The following LILRB4 variants were observed in gnomAD, a reference collection of about 807,000 sequenced individuals.
LILRB4 encodes the protein leukocyte immunoglobulin like receptor B4, also known as leukocyte immunoglobulin-like receptor subfamily B member 4.
A neutral mutation model predicts 55.2 loss-of-function variants in LILRB4; 49 were observed. That is an observed-to-expected ratio of 0.89 (90% CI 0.71 to 1.13). The LOEUF is 1.13. LILRB4 is among the 50% of genes most tolerant of loss of function. The pLI is 0.00. For missense variants in LILRB4, 590 were observed against 555.2 expected, an observed-to-expected ratio of 1.06 and a Z score of -0.63; for synonymous variants, 229 against 213.8, an observed-to-expected ratio of 1.07 and a Z score of -0.62.
chr19:54,666,990 G>T lies in LILRB4; in HGVS notation c.1041+241G>T. On this transcript the variant is annotated intron_variant, in intron 10 of 11. Transcript: ENST00000430952. The surrounding 1 kb of genome is among the most constrained non-coding windows in gnomAD (Gnocchi z 4.8). ...TCTGTTTGGCCATCTGGTTGTTAGA[G>T]AGCTCCCCAGGCCTCAGGAGGATGA... 1.4e-6 allele frequency: 1 copy of T among 703,264 alleles called. No individual in the cohort carries two copies. Among genetic ancestry groups the T allele is most frequent in the Non-Finnish European group, 2.6e-6 (1 of 377,862 alleles). The allele number at this position is 703,264 out of a possible 1,614,324, so 43.6% of individuals were successfully genotyped here. A position where few individuals can be genotyped will look rare whatever the true frequency, so the allele number is the denominator to read the frequency against.
intron 4 of LILRB4, 147 bp from the exon 5 acceptor site, chr19:54,664,652 C>T (rs761862415): frequency 1.0e-6 from 1 of 971,956 alleles, no homozygotes; most frequent in East Asian, 2.6e-5. Flanking sequence ...CCATGCTCTT[C>T]TCCCTCACCT....
At chr19:54,664,250 G>C (rs757539950) in exon 4 of LILRB4, 16 of 1,614,164 alleles carry the variant, frequency 9.9e-6, no homozygotes, top group Non-Finnish European at 1.4e-5. Context: ...GAAAGAGCGT[G>C]ACCCTGCTGT....
chr19:54,664,992 C>A, intron 5 of LILRB4, 138 bp from the exon 6 acceptor site: 1 of 1,360,564 alleles, frequency 7.3e-7, no homozygotes, highest in Non-Finnish European at 1.0e-6. Flanking sequence ...ACTTGGGAGG[C>A]ACCACAGGCT....
At position 54,665,081 on chromosome 19, in the gene LILRB4, A is replaced by C; in HGVS notation, c.707-49A>C. ...GATGTTGCGGGGAGAAGCCGAGCTGATGTGGGGAGCAGGGCAGCCCCAGCC... is the reference window on the plus strand; with the variant it reads ...GATGTTGCGGGGAGAAGCCGAGCTGCTGTGGGGAGCAGGGCAGCCCCAGCC... On this transcript the variant is annotated intron_variant, in intron 5 of 11. Coordinates refer to ENST00000430952, the Ensembl canonical transcript of LILRB4. This position sits in a 1 kb window ranked among gnomAD's most constrained non-coding sequence, Gnocchi z 5.5. 1 of 1,603,900 alleles carries C rather than the reference A, an allele frequency of 6.2e-7. No individual in the cohort carries two copies. The highest frequency in any genetic ancestry group is 8.5e-7 in the Non-Finnish European group (1 of 1,172,368).
exon 12 of LILRB4, chr19:54,668,111 C>A: frequency 6.9e-7 from 1 of 1,459,144 alleles, no homozygotes; most frequent in Non-Finnish European, 9.4e-7. Flanking sequence ...GAACCCCAGC[C>A]AGCCCAGACC....
In LILRB4 at chr19:54,666,225, T is replaced by C; in HGVS notation, c.875-15T>C. 1.9e-6 allele frequency: 3 copies of C among 1,576,860 alleles called. No homozygotes were observed. The highest frequency in any genetic ancestry group is 2.6e-6 in the Non-Finnish European group (3 of 1,163,728). On this transcript the variant is annotated splice_polypyrimidine_tract_variant and intron_variant, in intron 7 of 11. Coordinates refer to ENST00000430952, the Ensembl canonical transcript of LILRB4. This position sits in a 1 kb window ranked among gnomAD's most constrained non-coding sequence, Gnocchi z 4.8. ...TAACGTTCCCAGAGCTGAGACTCTG[T>C]CCATCTTCCCCCAGCCCAGAGACAG... is the stretch of plus-strand genomic sequence containing the variant.
intron 10 of LILRB4, chr19:54,667,425 G>T: frequency 9.3e-7 from 1 of 1,072,976 alleles, no homozygotes; most frequent in Non-Finnish European, 1.3e-6. Flanking sequence ...GGAAGGCCGC[G>T]TGAGGCTGCA....
chr19:54,664,678 C>A, intron 4 of LILRB4, 121 bp from the exon 5 acceptor site: 1 of 1,009,916 alleles, frequency 9.9e-7, no homozygotes, highest in Middle Eastern at 2.3e-4. Flanking sequence ...CCAGAAGGTG[C>A]CAGGTGGACA....
chr19:54,666,075 G>C lies in LILRB4; in HGVS notation c.874+144G>C. On this transcript the variant is annotated intron_variant, in intron 7 of 11. Coordinates refer to ENST00000430952, the Ensembl canonical transcript of LILRB4. The surrounding 1 kb of genome is among the most constrained non-coding windows in gnomAD (Gnocchi z 4.8). ...AAAATCTAGAAAGAAGAAAATGAAT[G>C]AGGGAGTAATGGAAGTGCTTTATTC... The C allele has an allele frequency of 7.8e-7, 1 of 1,283,854 alleles. No homozygotes were observed. Among genetic ancestry groups the C allele is most frequent in the Non-Finnish European group, 1.1e-6 (1 of 918,628 alleles). The allele number at this position is 1,283,854 out of a possible 1,614,324, so 79.5% of individuals were successfully genotyped here.
Position 54,665,858 on chromosome 19 carries a change from C to G in LILRB4, c.801C>G (p.Val267=). The G allele has an allele frequency of 6.2e-7, 1 of 1,613,652 alleles. No homozygotes were observed. Among genetic ancestry groups the G allele is most frequent in the Non-Finnish European group, 8.5e-7 (1 of 1,179,820 alleles). ...AGGTACTGATCGGGGTCTTGGTGGT[C>G]TCCATCCTGCTTCTCTCCCTCCTCC... The change falls in exon 7 of 12, where the codon GTC becomes GTG. Residue 267 remains valine, a synonymous_variant. Transcript: ENST00000430952. The surrounding 1 kb of genome is among the most constrained non-coding windows in gnomAD (Gnocchi z 5.5).
chr19:54,665,004 C>T lies in LILRB4; in HGVS notation c.707-126C>T. On this transcript the variant is annotated intron_variant, in intron 5 of 11. Coordinates refer to ENST00000430952, the Ensembl canonical transcript of LILRB4. This position sits in a 1 kb window ranked among gnomAD's most constrained non-coding sequence, Gnocchi z 5.5. ...GCGACTTGGGAGGCACCACAGGCTC[C>T]CAAGGCCCTGAGGCTGGGCTGGTGA... 2 of 1,402,306 alleles carry T rather than the reference C, an allele frequency of 1.4e-6. No individual in the cohort carries two copies. The highest frequency in any genetic ancestry group is 2.0e-6 in the Non-Finnish European group (2 of 999,566). 86.9% of individuals were successfully genotyped at this position (1,402,306 alleles called of 1,614,324 possible).
chr19:54,665,771 A>G lies in LILRB4; in HGVS notation c.758-44A>G, dbSNP rs574179586. On this transcript the variant is annotated intron_variant, in intron 6 of 11. Coordinates refer to ENST00000430952, the Ensembl canonical transcript of LILRB4. The surrounding 1 kb of genome is among the most constrained non-coding windows in gnomAD (Gnocchi z 5.5). ...GTAGGTGCACACACAGTAGGTGTGC[A>G]CATCAATGACATCATCCCCATTCCT... 51 of 1,562,590 alleles carry G rather than the reference A, an allele frequency of 3.3e-5. 1 individual carries two copies. The Middle Eastern group carries it at 1.2e-3, about 36-fold the overall frequency.
intron 10 of LILRB4, 180 bp from the exon 11 acceptor site, chr19:54,667,455 A>C (rs570271772): frequency 5.5e-6 from 7 of 1,279,500 alleles, no homozygotes; most frequent in Admixed American, 2.8e-5. Flanking sequence ...GCAAGGTCAG[A>C]GTGAGGAGCA....
In LILRB4 at chr19:54,664,769, C is replaced by T. The variant is rs1205041522; in HGVS notation, c.656-30C>T. On this transcript the variant is annotated intron_variant, in intron 4 of 11. Transcript: ENST00000430952. ...GTGGAGACCCAAGGGCAACCCCAGA[C>T]TCTCACCCTCCTCTTGTCCTTCTAC... 1.2e-5 allele frequency: 18 copies of T among 1,527,334 alleles called. No individual in the cohort carries two copies. In the South Asian group the frequency reaches 1.5e-4, roughly 13 times the overall value. The allele number at this position is 1,527,334 out of a possible 1,614,324, so 94.6% of individuals were successfully genotyped here. A position where few individuals can be genotyped will look rare whatever the true frequency, so the allele number is the denominator to read the frequency against.
Position 54,665,025 on chromosome 19 carries a change from G to A in LILRB4, c.707-105G>A. 6.9e-7 allele frequency: 1 copy of A among 1,459,638 alleles called. No homozygotes were observed. Among genetic ancestry groups the A allele is most frequent in the Non-Finnish European group, 9.5e-7 (1 of 1,049,320 alleles). The allele number at this position is 1,459,638 out of a possible 1,614,324, so 90.4% of individuals were successfully genotyped here. ...GCTCCCAAGGCCCTGAGGCTGGGCT[G>A]GTGAGGGGTGAGGGGGTCAAGGCTG... On this transcript the variant is annotated intron_variant, in intron 5 of 11. Coordinates refer to ENST00000430952, the Ensembl canonical transcript of LILRB4. This position sits in a 1 kb window ranked among gnomAD's most constrained non-coding sequence, Gnocchi z 5.5.
rs2065203449 is a variant in LILRB4, at chr19:54,665,082, TG to T, written c.707-47del. The stretch of plus-strand genomic sequence containing the variant: ...ATGTTGCGGGGAGAAGCCGAGCTGA[TG>T]TGGGGAGCAGGGCAGCCCCAGCCCT... On this transcript the variant is annotated intron_variant, in intron 5 of 11. Transcript: ENST00000430952. This position sits in a 1 kb window ranked among gnomAD's most constrained non-coding sequence, Gnocchi z 5.5. The T allele has an allele frequency of 6.2e-7, 1 of 1,603,770 alleles. No homozygotes were observed. The highest frequency in any genetic ancestry group is 8.5e-7 in the Non-Finnish European group (1 of 1,172,354).
rs960308849 is a variant in LILRB4 at position 54,666,632 on chromosome 19, C to A, written c.989-65C>A. 1 of 1,552,296 alleles carries A rather than the reference C, an allele frequency of 6.4e-7. No homozygotes were observed. ...GGCACTAATGGGAACAGGGCAGGGA[C>A]CAGCAGGAATGAGAGGTCCCAGGGA... On this transcript the variant is annotated intron_variant, in intron 9 of 11. Coordinates refer to ENST00000430952, the Ensembl canonical transcript of LILRB4. This position sits in a 1 kb window ranked among gnomAD's most constrained non-coding sequence, Gnocchi z 4.8.
At chr19:54,667,494 C>T in intron 10 of LILRB4, 141 bp from the exon 11 acceptor site, 1 of 1,465,092 alleles carries the variant, frequency 6.8e-7, no homozygotes, top group East Asian at 2.4e-5. Flanking sequence ...AGGGAGCGGC[C>T]AGACCCTCCA....
chr19:54,663,699 C>T (rs937348801), intron 2 of LILRB4, 55 bp from the exon 3 acceptor site: 42 of 1,609,370 alleles, frequency 2.6e-5, no homozygotes, highest in Non-Finnish European at 3.5e-5. Context: ...GGGCTGAGAG[C>T]TGGGATCTGA....
Sources: gnomAD v4.1 joint callset for allele counts on GRCh38, gnomAD v4.1.1 for gene constraint, Gnocchi (gnomAD v3.1) non-coding constraint, MANE v1.5 for transcripts, NCBI Gene and HGNC (gene_info 2026-07-23, HGNC 2026-07-21) for gene names.